Variants in NALF1 observed in about 807,000 individuals in gnomAD.
NALF1 encodes NALCN channel auxiliary factor 1.
NALF1 carries 3 observed loss-of-function variants against 48.4 expected under a neutral mutation model. That is an observed-to-expected ratio of 0.06 (90% CI 0.03 to 0.16). NALF1 has a LOEUF of 0.16. Ranked by LOEUF, NALF1 falls within the 10% of genes least tolerant of loss-of-function variation. NALF1 has a pLI of 1.00. For missense variants in NALF1, 526 were observed against 571.5 expected (o/e 0.92, Z 0.81); for synonymous variants, 262 against 245.7 (o/e 1.07, Z -0.62).
intron 1 of NALF1, among the ~76,000 whole-genome samples, chr13:107,564,577 G>A (rs1877741135): frequency 6.6e-6 from 1 of 152,138 alleles, no homozygotes; most frequent in African/African-American, 2.4e-5. Flanking sequence ...CTTGGAGGCT[G>A]GACGCTGATA....
chr13:107,239,818 T>C (rs1191506968), intron 1 of NALF1, among the ~76,000 whole-genome samples: 3 of 151,864 alleles, frequency 2.0e-5, no homozygotes, highest in African/African-American at 7.3e-5. Flanking sequence ...ATTTTCCCAA[T>C]AGGTATGAAG....
intron 1 of NALF1, among the ~76,000 whole-genome samples, chr13:107,389,900 G>C (rs1020288233): frequency 6.6e-6 from 1 of 152,132 alleles, no homozygotes; most frequent in African/African-American, 2.4e-5. Context: ...AAAGAACTTA[G>C]ATTTAATAGC....
At chr13:107,282,312 T>A (rs565132377) in intron 1 of NALF1, among the ~76,000 whole-genome samples, 1 of 152,312 alleles carries the variant, frequency 6.6e-6, no homozygotes, top group South Asian at 2.1e-4. Flanking sequence ...ATGAATGTTA[T>A]CCAGAGAGCA....
intron 1 of NALF1, among the ~76,000 whole-genome samples, chr13:107,786,913 A>G (rs1226737392): frequency 6.6e-6 from 1 of 152,186 alleles, no homozygotes; most frequent in Non-Finnish European, 1.5e-5. Flanking sequence ...GGAGCAAACA[A>G]TGTTGGAAAG....
intron 1 of NALF1, among the ~76,000 whole-genome samples, chr13:107,270,960 C>A (rs2138863056): frequency 6.6e-6 from 1 of 152,146 alleles, no homozygotes; most frequent in East Asian, 1.9e-4. Flanking sequence ...TGATGGTTTC[C>A]AGTTTCATCC....
At chr13:107,589,251 A>T (rs1464503257) in intron 1 of NALF1, among the ~76,000 whole-genome samples, 1 of 152,056 alleles carries the variant, frequency 6.6e-6, no homozygotes, top group Non-Finnish European at 1.5e-5. Context: ...TCAAGAAGAT[A>T]AATCTGAATG....
At chr13:107,708,705 C>A (rs1470853502) in intron 1 of NALF1, among the ~76,000 whole-genome samples, 1 of 23,044 alleles carries the variant, frequency 4.3e-5, no homozygotes, top group African/African-American at 9.4e-5. Flanking sequence ...CTACTTTATA[C>A]CTTTTCTCTT....
chr13:107,837,337 T>A (rs1463930220), intron 1 of NALF1, among the ~76,000 whole-genome samples: 2 of 152,202 alleles, frequency 1.3e-5, no homozygotes, highest in African/African-American at 4.8e-5. Flanking sequence ...ATCTCAGATG[T>A]TATTATGCTT....
At chr13:107,669,871 T>C (rs1417689612) in intron 1 of NALF1, among the ~76,000 whole-genome samples, 1 of 152,090 alleles carries the variant, frequency 6.6e-6, no homozygotes. Context: ...TGCACTGTTT[T>C]ATTATTCTCT....
intron 1 of NALF1, among the ~76,000 whole-genome samples, chr13:107,654,372 A>G (rs1369147911): frequency 1.3e-5 from 2 of 152,176 alleles, no homozygotes; most frequent in Non-Finnish European, 2.9e-5. Context: ...AACTGCGATA[A>G]CTTTTGCACA....
chr13:107,399,533 C>A (rs536003811), intron 1 of NALF1, among the ~76,000 whole-genome samples: 4 of 152,044 alleles, frequency 2.6e-5, no homozygotes, highest in Admixed American at 2.0e-4. Context: ...CGGCTCTGCT[C>A]GTGTCCTCCT....
chr13:107,263,653 C>T lies in NALF1; in HGVS notation c.916-52898G>A, dbSNP rs918465953. ...TTCTCATTCTCTCTTTGCCCGCCAC[C>T]GTGTAAGACGTGCCTTTTACCTTCC... On this transcript the variant is annotated intron_variant, in intron 1 of 2. Transcript: ENST00000375915. 5.3e-5 allele frequency among the ~76,000 whole-genome samples: 8 copies of T among 152,106 alleles called. 1 individual carries two copies. The highest frequency in any genetic ancestry group is 1.7e-4 in the African/African-American group (7 of 41,414).
At chr13:107,843,526 G>A (rs1400481644) in intron 1 of NALF1, among the ~76,000 whole-genome samples, 5 of 152,130 alleles carry the variant, frequency 3.3e-5, no homozygotes, top group African/African-American at 1.2e-4. Flanking sequence ...CAATGCAGAT[G>A]CTCAGCCCCA....
At chr13:107,401,630 A>G in intron 1 of NALF1, among the ~76,000 whole-genome samples, 1 of 152,124 alleles carries the variant, frequency 6.6e-6, no homozygotes, top group Non-Finnish European at 1.5e-5. Context: ...AATATTGTGC[A>G]TTTCTAAAAT....
intron 1 of NALF1, among the ~76,000 whole-genome samples, chr13:107,427,397 C>T (rs1048242460): frequency 2.0e-5 from 3 of 151,906 alleles, no homozygotes; most frequent in Non-Finnish European, 4.4e-5. Flanking sequence ...AGTAGTCCAA[C>T]AAAATATGGC....
chr13:107,614,578 G>A (rs879060883), intron 1 of NALF1, among the ~76,000 whole-genome samples: 17 of 152,214 alleles, frequency 1.1e-4, no homozygotes, highest in Non-Finnish European at 1.8e-4. Flanking sequence ...TAAGTGCTGG[G>A]AAAATAGAAA....
chr13:107,811,690 T>A (rs542236350), intron 1 of NALF1, among the ~76,000 whole-genome samples: 1 of 152,314 alleles, frequency 6.6e-6, no homozygotes, highest in East Asian at 1.9e-4. Context: ...ATAAAAGAAA[T>A]GTATTTGGCT....
intron 1 of NALF1, among the ~76,000 whole-genome samples, chr13:107,388,994 C>T (rs1182741478): frequency 6.6e-6 from 1 of 152,202 alleles, no homozygotes; most frequent in African/African-American, 2.4e-5. Context: ...GACGTGTCAG[C>T]AGAATGCAAT....
At chr13:107,790,255 A>T (rs1362324862) in intron 1 of NALF1, among the ~76,000 whole-genome samples, 1 of 152,248 alleles carries the variant, frequency 6.6e-6, no homozygotes, top group African/African-American at 2.4e-5. Context: ...AATAAAAAGT[A>T]TTAAACATAA....
Sources: gnomAD v4.1 joint callset for allele counts (sites outside exome capture counted in the v4.1 genomes callset) on GRCh38, gnomAD v4.1.1 for gene constraint, MANE v1.5 for transcripts, NCBI Gene and HGNC (gene_info 2026-07-23, HGNC 2026-07-21) for gene names.